Variants in BIRC6 observed in about 807,000 individuals in gnomAD.
BIRC6 encodes the protein baculoviral IAP repeat containing 6, also known as dual E2 ubiquitin-conjugating enzyme/E3 ubiquitin-protein ligase BIRC6.
A neutral mutation model predicts 503.3 loss-of-function variants in BIRC6; 98 were observed. That is an observed-to-expected ratio of 0.19 (90% CI 0.17 to 0.23). The LOEUF (loss-of-function observed/expected upper bound fraction) is 0.23, where lower values mean the gene tolerates loss of function less well. BIRC6 is among the 10% of genes least tolerant of loss of function. The probability of loss-of-function intolerance (pLI) is 1.00; values close to 1 mark genes in which losing one functional copy is unlikely to be tolerated. For missense variants in BIRC6, 5,360 were observed against 5,806.0 expected (o/e 0.92, Z 2.50); for synonymous variants, 2,240 against 2,078.7 (o/e 1.08, Z -2.11).
At chr2:32,493,928 A>G (rs2052082350) in intron 45 of BIRC6, among the ~76,000 whole-genome samples, 1 of 152,166 alleles carries the variant, frequency 6.6e-6, no homozygotes, top group Non-Finnish European at 1.5e-5. Flanking sequence ...TTTATAGATT[A>G]GTTATTATAA....
chr2:32,517,171 A>G (rs1161281451), intron 55 of BIRC6, among the ~76,000 whole-genome samples: 1 of 152,014 alleles, frequency 6.6e-6, no homozygotes, highest in Non-Finnish European at 1.5e-5. Flanking sequence ...TGTCTACCAA[A>G]AAAAGAAATC....
chr2:32,415,340 T>C lies in BIRC6; in HGVS notation c.2049T>C (p.Pro683=). ...DSQEQLLLQD[P]PVTYIQQFAD... ...AGGAGCAGTTGTTATTGCAGGATCC[T>C]CCTGTGACTTACATTCAGCAATTTG... The change falls in exon 10 of 74, where the codon CCT becomes CCC. Residue 683 remains proline, a synonymous_variant. Transcript: ENST00000421745. The C allele has an allele frequency of 1.9e-6, 3 of 1,614,030 alleles. No individual in the cohort carries two copies. The highest frequency in any genetic ancestry group is 2.5e-6 in the Non-Finnish European group (3 of 1,179,898).
intron 61 of BIRC6, among the ~76,000 whole-genome samples, chr2:32,540,891 A>G (rs1197811910): frequency 2.0e-5 from 3 of 152,030 alleles, no homozygotes; most frequent in African/African-American, 4.8e-5. Context: ...AATTGTATAC[A>G]TATCTAATAT....
At chr2:32,487,159 T>C (rs1294237916) in intron 40 of BIRC6, among the ~76,000 whole-genome samples, 1 of 152,174 alleles carries the variant, frequency 6.6e-6, no homozygotes, top group Admixed American at 6.6e-5. Flanking sequence ...ATCCTTGTAT[T>C]TCTCTGGTTC....
chr2:32,504,375 A>C (rs2149506613), intron 49 of BIRC6, among the ~76,000 whole-genome samples: 1 of 151,898 alleles, frequency 6.6e-6, no homozygotes, highest in East Asian at 1.9e-4. Flanking sequence ...TTTTTTACTT[A>C]AAGAGTTTGA....
chr2:32,585,176 C>T (rs1464041721), intron 66 of BIRC6, among the ~76,000 whole-genome samples: 2 of 152,060 alleles, frequency 1.3e-5, no homozygotes, highest in Admixed American at 6.6e-5. Context: ...ATGTTGCACA[C>T]GGGCCAAAGA....
chr2:32,616,071 T>C (rs1000069122), intron 73 of BIRC6, among the ~76,000 whole-genome samples: 2 of 152,228 alleles, frequency 1.3e-5, no homozygotes, highest in Admixed American at 1.3e-4. Flanking sequence ...TAAACTGCAA[T>C]ATAGAGCAAA....
chr2:32,479,850 G>A (rs2050175295), intron 37 of BIRC6, among the ~76,000 whole-genome samples: 2 of 152,048 alleles, frequency 1.3e-5, no homozygotes, highest in South Asian at 2.1e-4. Flanking sequence ...ATTTGGCAAC[G>A]ATGAAGAAAA....
intron 62 of BIRC6, among the ~76,000 whole-genome samples, chr2:32,545,176 T>C (rs1482851557): frequency 6.6e-6 from 1 of 152,176 alleles, no homozygotes; most frequent in Non-Finnish European, 1.5e-5. Flanking sequence ...CCATGTAGCA[T>C]TGCTTTCTTT....
chr2:32,477,243 G>A, intron 34 of BIRC6, 125 bp from the exon 35 acceptor site: 1 of 770,702 alleles, frequency 1.3e-6, no homozygotes, highest in Non-Finnish European at 2.0e-6. Context: ...AACTTACAGT[G>A]TATCTAAAAA....
At chr2:32,380,106 T>G (rs2037407082) in intron 2 of BIRC6, 47 bp from the exon 3 acceptor site, 1 of 1,328,224 alleles carries the variant, frequency 7.5e-7, no homozygotes, top group Non-Finnish European at 1.0e-6. Context: ...TTTGTTGTTC[T>G]TGTGTTGAAT....
intron 61 of BIRC6, among the ~76,000 whole-genome samples, chr2:32,541,526 C>T (rs1176427506): frequency 6.6e-6 from 1 of 151,924 alleles, no homozygotes; most frequent in Non-Finnish European, 1.5e-5. Flanking sequence ...TAAAAATCAC[C>T]CCACAGAGTT....
intron 54 of BIRC6, 117 bp from the exon 55 acceptor site, chr2:32,514,873 C>G: frequency 2.7e-6 from 2 of 734,410 alleles, no homozygotes; most frequent in Non-Finnish European, 4.4e-6. Context: ...TTTTATTATT[C>G]AATGTCAAAT....
chr2:32,499,406 A>G, intron 45 of BIRC6, 141 bp from the exon 46 acceptor site: 1 of 724,764 alleles, frequency 1.4e-6, no homozygotes, highest in South Asian at 2.4e-5. Flanking sequence ...AATAGTGAAT[A>G]TCAAGAATTT....
intron 65 of BIRC6, among the ~76,000 whole-genome samples, chr2:32,562,483 G>A (rs182420689): frequency 5.3e-5 from 8 of 152,196 alleles, no homozygotes; most frequent in African/African-American, 1.7e-4. Context: ...ATTCGAGTTC[G>A]CTCTTTATGT....
intron 65 of BIRC6, among the ~76,000 whole-genome samples, chr2:32,553,317 T>C (rs1035339369): frequency 6.6e-6 from 1 of 151,762 alleles, no homozygotes; most frequent in Admixed American, 6.6e-5. Context: ...TTCCTACTCT[T>C]TTGACCTCTT....
At chr2:32,511,201 C>CTTTTTTTTTTTTTTTTTTTTTTTTTT in intron 53 of BIRC6, among the ~76,000 whole-genome samples, 2 of 48,584 alleles carry the variant, frequency 4.1e-5, no homozygotes, top group Non-Finnish European at 7.1e-5. Flanking sequence ...CTTTTCTTTT[C>CTTTTTTTTTTTTTTTTTTTTTTTTTT]TTTTTTTTTT....
At chr2:32,484,931 C>G (rs1176149831) in intron 39 of BIRC6, among the ~76,000 whole-genome samples, 4 of 152,200 alleles carry the variant, frequency 2.6e-5, no homozygotes, top group Non-Finnish European at 4.4e-5. Context: ...CAGATTGTCT[C>G]AAATTTGACC....
chr2:32,516,725 G>A (rs1470686518), intron 55 of BIRC6, among the ~76,000 whole-genome samples: 5 of 151,874 alleles, frequency 3.3e-5, no homozygotes, highest in African/African-American at 1.2e-4. Context: ...CTGAAAGGTA[G>A]AATTATTTCA....
Sources: gnomAD v4.1 joint callset for allele counts (sites outside exome capture counted in the v4.1 genomes callset) on GRCh38, gnomAD v4.1.1 for gene constraint, MANE v1.5 for transcripts, NCBI Gene and HGNC (gene_info 2026-07-23, HGNC 2026-07-21) for gene names.